Variants in MAST4 observed in about 807,000 individuals in gnomAD.
MAST4 encodes the protein microtubule associated serine/threonine kinase family member 4, also known as microtubule-associated serine/threonine-protein kinase 4.
MAST4 carries 89 observed loss-of-function variants against 162.7 expected under a neutral mutation model. The observed-to-expected ratio is 0.55, with a 90% CI of 0.46 to 0.65. The LOEUF is 0.65. MAST4 is among the 30% of genes least tolerant of loss of function. The probability of loss-of-function intolerance (pLI) is 0.00; values close to 1 mark genes in which losing one functional copy is unlikely to be tolerated. For synonymous variants in MAST4, 1,479 were observed against 1,361.1 expected, an observed-to-expected ratio of 1.09 and a Z score of -1.91; for missense variants, 3,153 against 3,374.0, an observed-to-expected ratio of 0.93 and a Z score of 1.62.
rs1023956811 is a variant in MAST4 at position 66,930,661 on chromosome 5, C to A, written c.674+30679C>A. 6 of 466,902 alleles carry A rather than the reference C, an allele frequency of 1.3e-5. No individual in the cohort carries two copies. In the Admixed American group the frequency reaches 1.4e-4, roughly 11 times the overall value. 28.9% of individuals were successfully genotyped at this position (466,902 alleles called of 1,614,324 possible). On this transcript the variant is annotated intron_variant, in intron 4 of 28. Transcript: ENST00000403625. The stretch of plus-strand genomic sequence containing the variant: ...AACTTCCCTGACAATATATATTTGA[C>A]CCTTTGACATGCTTTCAGGAATGTG...
chr5:66,761,514 C>T (rs1387013728), intron 2 of MAST4, among the ~76,000 whole-genome samples: 1 of 151,422 alleles, frequency 6.6e-6, no homozygotes, highest in African/African-American at 2.4e-5. Context: ...ACATGATGGT[C>T]TTGTCTACCA....
intron 4 of MAST4, among the ~76,000 whole-genome samples, chr5:66,927,586 G>A (rs1466641611): frequency 2.0e-5 from 3 of 152,190 alleles, no homozygotes; most frequent in Non-Finnish European, 4.4e-5. Flanking sequence ...GTAAATGATG[G>A]TGGCTGAAGG....
intron 3 of MAST4, among the ~76,000 whole-genome samples, chr5:66,894,385 C>G (rs948499112): frequency 6.6e-6 from 1 of 152,180 alleles, no homozygotes; most frequent in African/African-American, 2.4e-5. Context: ...TTTCTCTCCT[C>G]TGTTAGCATT....
At chr5:66,925,943 A>AT (rs71610545) in intron 4 of MAST4, among the ~76,000 whole-genome samples, 2,282 of 145,780 alleles carry the variant, frequency 0.016, 31 homozygotes, top group Middle Eastern at 0.071. Context: ...GCCTAGTACA[A>AT]TTTTTTTTTT....
intron 3 of MAST4, among the ~76,000 whole-genome samples, chr5:66,866,525 A>G (rs1054945092): frequency 6.6e-6 from 1 of 152,152 alleles, no homozygotes; most frequent in Non-Finnish European, 1.5e-5. Flanking sequence ...ACTTATTTTC[A>G]TGGAATATTT....
chr5:66,819,800 G>T (rs1337703272), intron 3 of MAST4, among the ~76,000 whole-genome samples: 5 of 148,528 alleles, frequency 3.4e-5, no homozygotes, highest in African/African-American at 1.0e-4. Context: ...TTCCAACAGG[G>T]TCTCACTCTG....
At chr5:67,115,547 A>G (rs1477588363) in intron 12 of MAST4, among the ~76,000 whole-genome samples, 1 of 152,250 alleles carries the variant, frequency 6.6e-6, no homozygotes, top group Non-Finnish European at 1.5e-5. Context: ...CAGATTCATC[A>G]CTTATCAGAG....
At chr5:67,034,881 T>C (rs1410953798) in intron 4 of MAST4, among the ~76,000 whole-genome samples, 5 of 152,170 alleles carry the variant, frequency 3.3e-5, no homozygotes, top group Non-Finnish European at 5.9e-5. Context: ...AAAATGATAG[T>C]ATCTTCATTG....
rs1234565895 is a variant in MAST4 at position 67,164,650 on chromosome 5, A to G, written c.5471A>G (p.Glu1824Gly). 2 of 1,613,998 alleles carry G rather than the reference A, an allele frequency of 1.2e-6. No homozygotes were observed. The highest frequency in any genetic ancestry group is 2.2e-5 in the South Asian group (2 of 91,080). Residue 1824 changes from glutamate to glycine, a missense_variant, in exon 29 of 29, where the codon GAG (glutamate) becomes GGG (glycine). By Grantham distance (98) the Glu-to-Gly change is moderately conservative. Transcript: ENST00000403625. This position sits in a 1 kb window ranked among gnomAD's most constrained non-coding sequence, Gnocchi z 5.3. ...TCCAAGACAGAACTGCCTTCCCCAG[A>G]GTCTGCACAGAGCCCCAGCCCAAGT... ...QASKTELPSPESAQSPSPSGD... is the reference protein window; with the variant it reads ...QASKTELPSPGSAQSPSPSGD...
chr5:66,812,055 G>A (rs1359218780), intron 3 of MAST4, among the ~76,000 whole-genome samples: 4 of 152,092 alleles, frequency 2.6e-5, no homozygotes, highest in East Asian at 3.9e-4. Flanking sequence ...TGTTTGGGTC[G>A]GGAGGGAGAG....
At chr5:67,063,351 CT>C (rs1759857601) in intron 5 of MAST4, among the ~76,000 whole-genome samples, 1 of 152,174 alleles carries the variant, frequency 6.6e-6, no homozygotes. Flanking sequence ...CATCATTAGT[CT>C]TTGTTAATTC....
At chr5:66,950,503 G>C (rs766028094) in intron 4 of MAST4, among the ~76,000 whole-genome samples, 6 of 152,152 alleles carry the variant, frequency 3.9e-5, no homozygotes, top group Non-Finnish European at 7.4e-5. Context: ...AGCCAAAATA[G>C]AGTAGTACCT....
Position 67,136,787 on chromosome 5 carries a change from A to G in MAST4, c.2494+123A>G, listed in dbSNP as rs1169886529. On this transcript the variant is annotated intron_variant, in intron 19 of 28. Transcript: ENST00000403625. ...CAACATCTGTTAGTTGATGTAGAACATGACTGCAACACATTATAGCAATAA... is the reference window on the plus strand; with the variant it reads ...CAACATCTGTTAGTTGATGTAGAACGTGACTGCAACACATTATAGCAATAA... 1.2e-5 allele frequency: 8 copies of G among 692,062 alleles called. No homozygotes were observed. In the East Asian group the frequency reaches 2.0e-4, roughly 17 times the overall value. 42.9% of individuals were successfully genotyped at this position (692,062 alleles called of 1,614,324 possible). A position where few individuals can be genotyped will look rare whatever the true frequency, so the allele number is the denominator to read the frequency against.
Position 66,781,372 on chromosome 5 carries a change from T to C in MAST4, c.518-7298T>C, listed in dbSNP as rs188519373. ...AAGAGAGGCTATTAGCCAAAACCTA[T>C]TAACCTATATACCTGTAAAGATATA... On this transcript the variant is annotated intron_variant, in intron 2 of 28. Transcript: ENST00000403625. Among the ~76,000 whole-genome samples the C allele has an allele frequency of 2.0e-4, 31 of 152,312 alleles. No homozygotes were observed. In the East Asian group the frequency reaches 5.6e-3, roughly 27 times the overall value.
rs956131873 is a variant in MAST4, at chr5:66,846,149, A to C, written c.643-53802A>C. Among the ~76,000 whole-genome samples, 4 of 152,160 alleles carry C rather than the reference A, an allele frequency of 2.6e-5. No homozygotes were observed. In the East Asian group the frequency reaches 7.7e-4, roughly 29 times the overall value. Reference sequence around the variant, plus strand: ...CTTCAAACTTAGATACCTGGATTGAAATCCAGAGAGTTTGGCCGCATTCTT... The same window carrying C: ...CTTCAAACTTAGATACCTGGATTGACATCCAGAGAGTTTGGCCGCATTCTT... On this transcript the variant is annotated intron_variant, in intron 3 of 28. Transcript: ENST00000403625.
At chr5:67,102,079 C>G (rs1176125359) in intron 8 of MAST4, among the ~76,000 whole-genome samples, 1 of 151,046 alleles carries the variant, frequency 6.6e-6, no homozygotes, top group East Asian at 1.9e-4. Context: ...GACTTTCAGA[C>G]TTCTTCAGTG....
chr5:66,657,133 A>G (rs370068184), intron 1 of MAST4, among the ~76,000 whole-genome samples: 69 of 152,338 alleles, frequency 4.5e-4, no homozygotes, highest in African/African-American at 1.4e-3. Context: ...TTTCTACTTC[A>G]TGGATTGATT....
At chr5:66,935,559 T>C (rs1045044353) in intron 4 of MAST4, among the ~76,000 whole-genome samples, 6 of 152,208 alleles carry the variant, frequency 3.9e-5, no homozygotes, top group African/African-American at 1.4e-4. Context: ...AGCTCAGTAC[T>C]CAGTGTCCCA....
intron 10 of MAST4, among the ~76,000 whole-genome samples, chr5:67,108,468 A>G (rs1359383842): frequency 6.6e-6 from 1 of 152,154 alleles, no homozygotes; most frequent in Non-Finnish European, 1.5e-5. Context: ...TTTGTTGCAA[A>G]GCAAAAATTG....
Sources: allele counts gnomAD v4.1 joint callset (sites outside exome capture counted in the v4.1 genomes callset), GRCh38; gene constraint gnomAD v4.1.1; non-coding constraint Gnocchi (gnomAD v3.1); transcripts MANE v1.5; gene names NCBI Gene and HGNC (gene_info 2026-07-23, HGNC 2026-07-21).